Variants in ARPP21 observed in about 807,000 individuals in gnomAD.
ARPP21 encodes cAMP-regulated phosphoprotein 21.
A neutral mutation model predicts 113.2 loss-of-function variants in ARPP21; 69 were observed. The observed-to-expected ratio is 0.61, with a 90% CI of 0.50 to 0.74. The LOEUF (loss-of-function observed/expected upper bound fraction) is 0.74. Among genes scored for constraint, ARPP21 ranks in the 30% least tolerant of loss-of-function variants. ARPP21 has a pLI of 0.00. For missense variants in ARPP21, 1,070 were observed against 1,037.4 expected (o/e 1.03, Z -0.43); for synonymous variants, 368 against 375.5 (o/e 0.98, Z 0.23).
At chr3:35,697,651 C>A (rs1034978717) in intron 9 of ARPP21, among the ~76,000 whole-genome samples, 5 of 151,520 alleles carry the variant, frequency 3.3e-5, no homozygotes, top group Non-Finnish European at 7.4e-5. Context: ...TGGGTAGACC[C>A]AGACAACAGT....
chr3:35,736,703 G>A (rs1240271556), intron 15 of ARPP21, among the ~76,000 whole-genome samples: 1 of 152,184 alleles, frequency 6.6e-6, no homozygotes, highest in East Asian at 1.9e-4. Flanking sequence ...TAATGATTCT[G>A]AATTGGTGAC....
chr3:35,683,237 C>G (rs1318536032), intron 4 of ARPP21, among the ~76,000 whole-genome samples: 1 of 151,606 alleles, frequency 6.6e-6, no homozygotes, highest in South Asian at 2.1e-4. Flanking sequence ...AACAAATGAC[C>G]ATTTGTTTTG....
intron 3 of ARPP21, chr3:35,682,580 AC>A (rs2079239181): frequency 2.7e-6 from 1 of 371,618 alleles, no homozygotes; most frequent in Admixed American, 4.5e-5. Flanking sequence ...TGGCCAAAAA[AC>A]TTCAAAGCTG....
chr3:35,706,032 T>C (rs2149972045), intron 9 of ARPP21, among the ~76,000 whole-genome samples: 1 of 152,322 alleles, frequency 6.6e-6, no homozygotes, highest in African/African-American at 2.4e-5. Context: ...AGTGGCTTCC[T>C]AATGACTCAA....
chr3:35,664,400 C>T (rs1327347611), intron 1 of ARPP21, among the ~76,000 whole-genome samples: 1 of 152,060 alleles, frequency 6.6e-6, no homozygotes, highest in Non-Finnish European at 1.5e-5. Context: ...GAACTTTTTC[C>T]TCCTGAGTGT....
intron 9 of ARPP21, among the ~76,000 whole-genome samples, chr3:35,698,442 T>C (rs1402715921): frequency 6.6e-6 from 1 of 151,682 alleles, no homozygotes; most frequent in African/African-American, 2.4e-5. Context: ...ATCCTTAATA[T>C]AATATTTTAT....
intron 13 of ARPP21, among the ~76,000 whole-genome samples, chr3:35,717,780 G>A: frequency 1.3e-5 from 2 of 152,256 alleles, no homozygotes; most frequent in Admixed American, 6.5e-5. Context: ...TTCAAACAGT[G>A]TGTTTTCAAG....
At chr3:35,782,250 C>T (rs374492310) in intron 19 of ARPP21, among the ~76,000 whole-genome samples, 8 of 152,102 alleles carry the variant, frequency 5.3e-5, no homozygotes, top group East Asian at 1.9e-4. Flanking sequence ...TCCTATCAAC[C>T]GATCCTGTCA....
At position 35,682,153 on chromosome 3, in the gene ARPP21, G is replaced by T. The variant is rs529314780; in HGVS notation, c.129+273G>T. ...TTACCAATTTCCAGAACACCTCAAG[G>T]TGTACATAGAGGGCTTCTCCCAAGG... On this transcript the variant is annotated intron_variant, in intron 3 of 20. Coordinates refer to ENST00000684406, the MANE Select transcript of ARPP21 (RefSeq NM_001385562.1). Among the ~76,000 whole-genome samples, 9 of 151,930 alleles carry T rather than the reference G, an allele frequency of 5.9e-5. No individual in the cohort carries two copies. In the East Asian group the frequency reaches 1.6e-3, roughly 26 times the overall value.
At chr3:35,651,767 T>G (rs543948275) in intron 1 of ARPP21, 90 of 152,190 alleles carry the variant, frequency 5.9e-4, no homozygotes, top group African/African-American at 2.0e-3. Flanking sequence ...CTTATGTCCT[T>G]ATCACTATTT....
intron 19 of ARPP21, among the ~76,000 whole-genome samples, chr3:35,778,364 A>G (rs1484511893): frequency 6.6e-6 from 1 of 151,692 alleles, no homozygotes; most frequent in African/African-American, 2.4e-5. Context: ...GGAAGGCATC[A>G]GCTGCAAGAG....
At chr3:35,748,462 G>A (rs1475913026) in intron 19 of ARPP21, among the ~76,000 whole-genome samples, 1 of 137,148 alleles carries the variant, frequency 7.3e-6, no homozygotes. Flanking sequence ...GAAAGAAAAA[G>A]AAAGAGAGAG....
intron 1 of ARPP21, among the ~76,000 whole-genome samples, chr3:35,669,179 T>A (rs894477111): frequency 1.3e-5 from 2 of 152,106 alleles, no homozygotes; most frequent in African/African-American, 2.4e-5. Context: ...ATTATAATTA[T>A]GAGCAAAGAA....
At chr3:35,746,392 C>A (rs1050959526) in intron 19 of ARPP21, among the ~76,000 whole-genome samples, 2 of 152,146 alleles carry the variant, frequency 1.3e-5, no homozygotes, top group African/African-American at 4.8e-5. Context: ...TCATGGCAGT[C>A]ATTTGTGAGA....
intron 19 of ARPP21, among the ~76,000 whole-genome samples, chr3:35,787,955 C>A (rs922116752): frequency 6.6e-6 from 1 of 152,168 alleles, no homozygotes; most frequent in Non-Finnish European, 1.5e-5. Context: ...TCACAGTTTT[C>A]TCTTCTGCAA....
intron 5 of ARPP21, chr3:35,684,353 T>C (rs1575786957): frequency 9.7e-7 from 1 of 1,031,494 alleles, no homozygotes; most frequent in Non-Finnish European, 1.2e-6. Context: ...GAATCTGAGC[T>C]GATGGTGACT....
chr3:35,641,299 T>A (rs1697991465), intron 1 of ARPP21: 1 of 152,234 alleles, frequency 6.6e-6, no homozygotes, highest in African/African-American at 2.4e-5. Flanking sequence ...GTATAAGATT[T>A]CATTCAAATG....
chr3:35,757,882 G>A (rs893660685), intron 19 of ARPP21, among the ~76,000 whole-genome samples: 7 of 151,962 alleles, frequency 4.6e-5, no homozygotes, highest in African/African-American at 1.7e-4. Flanking sequence ...ATTTTTTAAA[G>A]AAGTAAAACT....
intron 12 of ARPP21, among the ~76,000 whole-genome samples, chr3:35,716,042 A>T (rs1183379114): frequency 2.0e-5 from 3 of 152,120 alleles, no homozygotes; most frequent in Non-Finnish European, 4.4e-5. Flanking sequence ...AGGGGGAGGT[A>T]GTTGTTGTAA....
Sources: allele counts gnomAD v4.1 joint callset (sites outside exome capture counted in the v4.1 genomes callset), GRCh38; gene constraint gnomAD v4.1.1; transcripts MANE v1.5; gene names NCBI Gene and HGNC (gene_info 2026-07-23, HGNC 2026-07-21).